Variants in FBXL13 observed in about 807,000 individuals in gnomAD.
FBXL13 encodes F-box and leucine rich repeat protein 13.
In FBXL13, 67 loss-of-function variants were observed where a neutral mutation model predicts 83.6. The ratio of observed to expected loss-of-function variants is 0.80; its 90% confidence interval spans 0.66 to 0.98. The LOEUF is 0.98. Among genes scored for constraint, FBXL13 ranks in the 50% least tolerant of loss-of-function variants. The probability of loss-of-function intolerance (pLI) is 0.00; values close to 1 mark genes in which losing one functional copy is unlikely to be tolerated. For missense variants in FBXL13, 822 were observed against 866.5 expected (o/e 0.95, Z 0.64); for synonymous variants, 272 against 299.5 (o/e 0.91, Z 0.95).
intron 17 of FBXL13, 56 bp from the exon 19 acceptor site, chr7:102,833,030 T>C: frequency 1.3e-6 from 2 of 1,573,394 alleles, no homozygotes; most frequent in South Asian, 2.3e-5. Context: ...TAGAACTGTC[T>C]TACTTATAGT....
intron 8 of FBXL13, among the ~76,000 whole-genome samples, chr7:102,955,291 T>C (rs1824069267): frequency 6.6e-6 from 1 of 152,076 alleles, no homozygotes; most frequent in African/African-American, 2.4e-5. Context: ...CCTGAATGAC[T>C]ACTGGGTAAA....
At chr7:103,057,062 T>C (rs1028128362) in intron 1 of FBXL13, among the ~76,000 whole-genome samples, 1 of 152,210 alleles carries the variant, frequency 6.6e-6, no homozygotes, top group Non-Finnish European at 1.5e-5. Context: ...ATTAGTCCTT[T>C]GTTGGATGTA....
chr7:102,959,469 A>C (rs915818545), intron 8 of FBXL13, among the ~76,000 whole-genome samples: 1 of 152,002 alleles, frequency 6.6e-6, no homozygotes, highest in East Asian at 1.9e-4. Context: ...ATAAAAGGTA[A>C]AAATATATAT....
chr7:102,811,877 T>C (rs945187185), downstream of FBXL13, among the ~76,000 whole-genome samples: 1 of 152,246 alleles, frequency 6.6e-6, no homozygotes, highest in Non-Finnish European at 1.5e-5. Context: ...TAAGTAATAT[T>C]ACCTTATTTC....
At chr7:102,995,845 T>C (rs1789730378) in intron 6 of FBXL13, among the ~76,000 whole-genome samples, 1 of 151,342 alleles carries the variant, frequency 6.6e-6, no homozygotes, top group Non-Finnish European at 1.5e-5. Flanking sequence ...CATAACACCA[T>C]ACAGAAAGTA....
intron 18 of FBXL13, among the ~76,000 whole-genome samples, chr7:102,824,938 T>C (rs1799373845): frequency 6.6e-6 from 1 of 152,144 alleles, no homozygotes; most frequent in South Asian, 2.1e-4. Flanking sequence ...TCTTGCTTTT[T>C]TGTTTTTCCT....
At chr7:103,005,903 G>A (rs1216659083) in intron 6 of FBXL13, among the ~76,000 whole-genome samples, 1 of 152,092 alleles carries the variant, frequency 6.6e-6, no homozygotes, top group Admixed American at 6.6e-5. Flanking sequence ...AAACTATTAT[G>A]GCTAAAGTTG....
At chr7:103,058,663 C>T (rs1452742552) in intron 1 of FBXL13, among the ~76,000 whole-genome samples, 1 of 152,198 alleles carries the variant, frequency 6.6e-6, no homozygotes, top group Non-Finnish European at 1.5e-5. Context: ...ATGAATTTGT[C>T]TCTGAGAATA....
intron 6 of FBXL13, among the ~76,000 whole-genome samples, chr7:102,995,955 G>A (rs185452149): frequency 1.1e-3 from 175 of 152,186 alleles, no homozygotes; most frequent in African/African-American, 4.0e-3. Context: ...TTTTCCCAAA[G>A]TGAACCTAAA....
intron 2 of FBXL13, among the ~76,000 whole-genome samples, chr7:103,048,925 C>T (rs187152192): frequency 3.3e-5 from 5 of 152,296 alleles, no homozygotes; most frequent in African/African-American, 4.8e-5. Flanking sequence ...ACACACCTTG[C>T]GTGTAAACCT....
chr7:103,034,298 C>A (rs1040962209), intron 2 of FBXL13, among the ~76,000 whole-genome samples: 2 of 152,112 alleles, frequency 1.3e-5, no homozygotes, highest in Admixed American at 6.5e-5. Flanking sequence ...CGGGGGGCGG[C>A]GCTTGTAGGG....
upstream of FBXL13, chr7:103,074,569 G>T (rs1475635554): frequency 1.6e-6 from 2 of 1,228,096 alleles, no homozygotes; most frequent in African/African-American, 3.1e-5. Flanking sequence ...CTCGCATTCT[G>T]CCCCGCCTTC....
rs1265266103 is a variant in FBXL13 at position 102,934,284 on chromosome 7, C to T, written c.725-2351G>A. 5.0e-6 allele frequency: 8 copies of T among 1,613,970 alleles called. No homozygotes were observed. The African/African-American group carries it at 5.3e-5, about 11-fold the overall frequency. The stretch of plus-strand genomic sequence containing the variant: ...GAGATCTCTAAAATTGAGAGTGAGG[C>T]GTTCTTTGGTTTAAACAAACTCACC... On this transcript the variant is annotated intron_variant, in intron 8 of 19. Transcript: ENST00000313221.
At chr7:102,929,515 T>C (rs1818754982) in intron 9 of FBXL13, among the ~76,000 whole-genome samples, 1 of 151,782 alleles carries the variant, frequency 6.6e-6, no homozygotes. Context: ...AATTCAAAAA[T>C]TAGCCAGGTG....
chr7:103,011,658 C>T (rs1226269665), intron 6 of FBXL13, among the ~76,000 whole-genome samples: 2 of 143,276 alleles, frequency 1.4e-5, no homozygotes, highest in Non-Finnish European at 3.1e-5. Context: ...AAAAAAGAAA[C>T]AAACAAACTG....
chr7:103,036,972 TAAGTA>T (rs1418466094), intron 2 of FBXL13, among the ~76,000 whole-genome samples: 5 of 152,224 alleles, frequency 3.3e-5, no homozygotes, highest in Admixed American at 1.3e-4. Flanking sequence ...CCAACTTCAT[TAAGTA>T]AAGTCCCTGA....
intron 17 of FBXL13, among the ~76,000 whole-genome samples, chr7:102,842,894 G>A (rs1176312229): frequency 6.6e-6 from 1 of 152,146 alleles, no homozygotes; most frequent in East Asian, 1.9e-4. Context: ...ACATTCCTGG[G>A]TCAGACCAAA....
chr7:102,999,650 A>G (rs756611885), intron 6 of FBXL13, among the ~76,000 whole-genome samples: 17 of 151,988 alleles, frequency 1.1e-4, no homozygotes, highest in Non-Finnish European at 2.1e-4. Flanking sequence ...GATAGGCTTC[A>G]TGTATCTAGG....
chr7:102,867,668 C>CATATATATATATATAT (rs200661242), intron 16 of FBXL13, among the ~76,000 whole-genome samples: 3 of 72,640 alleles, frequency 4.1e-5, no homozygotes, highest in African/African-American at 2.7e-4. Context: ...TAGACTTAGA[C>CATATATATATATATAT]ATATATATAT....
Sources: allele counts gnomAD v4.1 joint callset (sites outside exome capture counted in the v4.1 genomes callset), GRCh38; gene constraint gnomAD v4.1.1; transcripts MANE v1.5; gene names NCBI Gene and HGNC (gene_info 2026-07-23, HGNC 2026-07-21).